CTBP2: variants seen among roughly 807,000 people sequenced by gnomAD.
The protein encoded by CTBP2 is C-terminal-binding protein 2.
In CTBP2, 30 loss-of-function variants were observed where a neutral mutation model predicts 80.3. The observed-to-expected ratio is 0.37, with a 90% CI of 0.28 to 0.51. CTBP2 has a LOEUF of 0.51. Ranked by LOEUF, CTBP2 falls within the 20% of genes least tolerant of loss-of-function variation. The probability of loss-of-function intolerance (pLI) is 0.93; values close to 1 mark genes in which losing one functional copy is unlikely to be tolerated. For missense variants in CTBP2, 1,212 were observed against 1,375.3 expected (o/e 0.88, Z 1.88); for synonymous variants, 594 against 587.4 (o/e 1.01, Z -0.16).
chr10:124,985,163 G>A lies in CTBP2; in HGVS notation c.*4355C>T. On this transcript the variant is annotated 3_prime_UTR_variant, in exon 9 of 9. Coordinates refer to ENST00000309035, the MANE Select transcript of CTBP2 (RefSeq NM_022802.3). The stretch of plus-strand genomic sequence containing the variant: ...ACCTTATGGAGATAATGCCTCTGCT[G>A]CGTGAGGAGACAGAGAACTTTAGTT... The A allele has an allele frequency of 1.8e-6, 1 of 544,738 alleles. No individual in the cohort carries two copies. Among genetic ancestry groups the A allele is most frequent in the African/African-American group, 1.9e-5 (1 of 52,948 alleles). 33.7% of individuals were successfully genotyped at this position (544,738 alleles called of 1,614,324 possible). A position where few individuals can be genotyped will look rare whatever the true frequency, so the allele number is the denominator to read the frequency against.
chr10:125,026,067 GGGA>G (rs773574142), intron 1 of CTBP2: 2 of 1,547,038 alleles, frequency 1.3e-6, no homozygotes, highest in Non-Finnish European at 1.8e-6. Context: ...AGGGCAGGCG[GGGA>G]GGATGTATTA....
At chr10:125,131,124 G>C (rs948073768) in intron 1 of CTBP2, among the ~76,000 whole-genome samples, 7 of 152,180 alleles carry the variant, frequency 4.6e-5, no homozygotes, top group African/African-American at 1.4e-4. Flanking sequence ...GTCTTCACCT[G>C]CTGTCCCCGG....
chr10:125,020,047 T>C (rs1956887222), intron 1 of CTBP2, among the ~76,000 whole-genome samples: 1 of 152,136 alleles, frequency 6.6e-6, no homozygotes, highest in Admixed American at 6.5e-5. Context: ...CAAAATAGCG[T>C]AGGGGCCCAT....
intron 2 of CTBP2, among the ~76,000 whole-genome samples, chr10:125,074,458 G>A (rs528591191): frequency 9.9e-4 from 151 of 152,282 alleles, no homozygotes; most frequent in African/African-American, 3.2e-3. Context: ...GGGTTCAAGC[G>A]ATTCTCCTGC....
intron 2 of CTBP2, among the ~76,000 whole-genome samples, chr10:125,049,046 GACACACACACACACACACAC>G (rs1178000125): frequency 3.3e-5 from 3 of 89,662 alleles, no homozygotes; most frequent in South Asian, 4.2e-4. Context: ...CCTGACCACA[GACACACACACACACACACAC>G]ACACACACAC....
At chr10:125,033,034 C>T (rs564968903), upstream of CTBP2, among the ~76,000 whole-genome samples, 60 of 152,318 alleles carry the variant, frequency 3.9e-4, no homozygotes, top group Admixed American at 6.5e-4. Context: ...TCTTAGGATA[C>T]GAAAGAACTG....
intron 2 of CTBP2, among the ~76,000 whole-genome samples, chr10:125,054,984 A>T (rs1963581569): frequency 6.6e-6 from 1 of 152,180 alleles, no homozygotes. Context: ...GGCTACGCTC[A>T]ACATGCACAG....
At chr10:125,153,928 G>A (rs534520122) in intron 1 of CTBP2, among the ~76,000 whole-genome samples, 7 of 152,136 alleles carry the variant, frequency 4.6e-5, no homozygotes, top group African/African-American at 1.7e-4. Context: ...CAAGCCCTGA[G>A]CTTGCTTGTG....
At chr10:125,095,392 C>A (rs371204406) in intron 2 of CTBP2, among the ~76,000 whole-genome samples, 3 of 152,150 alleles carry the variant, frequency 2.0e-5, no homozygotes, top group Admixed American at 1.3e-4. Flanking sequence ...CGCAGCCCAG[C>A]CACGCTTCCA....
intron 2 of CTBP2, among the ~76,000 whole-genome samples, chr10:125,093,769 A>C (rs942062742): frequency 1.1e-4 from 17 of 152,234 alleles, no homozygotes; most frequent in African/African-American, 4.1e-4. Context: ...CTCAGGGGGC[A>C]GCACAGAACG....
intron 1 of CTBP2, among the ~76,000 whole-genome samples, chr10:125,008,634 C>G (rs1955524035): frequency 6.6e-6 from 1 of 152,366 alleles, no homozygotes; most frequent in South Asian, 2.1e-4. Context: ...AAGATCCCGA[C>G]AGAAGGTGTC....
At chr10:125,016,076 G>A (rs541605650) in intron 1 of CTBP2, among the ~76,000 whole-genome samples, 12 of 152,364 alleles carry the variant, frequency 7.9e-5, no homozygotes, top group South Asian at 4.1e-4. Flanking sequence ...CCGGGGTGAC[G>A]GGGAAGGGGA....
intron 2 of CTBP2, among the ~76,000 whole-genome samples, chr10:125,051,670 AAAAG>A (rs1366005550): frequency 6.6e-6 from 1 of 152,126 alleles, no homozygotes; most frequent in Admixed American, 6.5e-5. Context: ...AAAAAAAAAA[AAAAG>A]AAACCTTTTC....
intron 3 of CTBP2, among the ~76,000 whole-genome samples, chr10:125,002,008 C>T (rs1954584597): frequency 6.6e-6 from 1 of 152,338 alleles, no homozygotes; most frequent in Non-Finnish European, 1.5e-5. Flanking sequence ...CCCGGAAGCA[C>T]CGGGGCCCAC....
In CTBP2 at chr10:124,993,255, G is replaced by A. The variant is rs1025926820; in HGVS notation, c.2606C>T (p.Ala869Val). 3 of 1,606,552 alleles carry A rather than the reference G, an allele frequency of 1.9e-6. No individual in the cohort carries two copies. The highest frequency in any genetic ancestry group is 2.6e-6 in the Non-Finnish European group (3 of 1,174,108). ...AGCTGCCTCCCTCATCTCCAGTGAC[G>A]CCTGCTCACTGTACCAGGCAGTGTG... is the stretch of plus-strand genomic sequence containing the variant. Residue 869 changes from alanine (A) to valine (V), a missense_variant, in exon 7 of 9, where the codon GCG becomes GTG. Ala to Val is a moderately conservative substitution (Grantham distance 64, BLOSUM62 0). Transcript: ENST00000309035.
intron 2 of CTBP2, among the ~76,000 whole-genome samples, chr10:125,068,225 A>T (rs1392393377): frequency 6.6e-6 from 1 of 152,234 alleles, no homozygotes; most frequent in Non-Finnish European, 1.5e-5. Flanking sequence ...GGACACGTCC[A>T]TTCTGACCAC....
chr10:125,049,856 C>A (rs138663090), intron 2 of CTBP2, among the ~76,000 whole-genome samples: 1 of 152,294 alleles, frequency 6.6e-6, no homozygotes, highest in East Asian at 1.9e-4. Context: ...CAAACCAAAT[C>A]AAGACTCTTG....
chr10:125,069,447 A>G (rs1478871417), intron 2 of CTBP2, among the ~76,000 whole-genome samples: 5 of 152,084 alleles, frequency 3.3e-5, no homozygotes, highest in African/African-American at 9.7e-5. Context: ...GTGAAACCCC[A>G]TCTCTACTGA....
chr10:125,053,005 C>T (rs998835), intron 2 of CTBP2, among the ~76,000 whole-genome samples: 23,546 of 152,132 alleles, frequency 0.15, 2,237 homozygotes, highest in East Asian at 0.47. Flanking sequence ...ATACGCATCA[C>T]GCAGCATGCA....
Sources: allele counts gnomAD v4.1 joint callset (sites outside exome capture counted in the v4.1 genomes callset), GRCh38; gene constraint gnomAD v4.1.1; transcripts MANE v1.5; gene names NCBI Gene and HGNC (gene_info 2026-07-23, HGNC 2026-07-21).